CCSER1: variants seen among roughly 807,000 people sequenced by gnomAD.
CCSER1 encodes the protein serine-rich coiled-coil domain-containing protein 1.
Under a neutral mutation model 82.0 loss-of-function variants are expected in CCSER1, and 41 were observed. The ratio of observed to expected loss-of-function variants is 0.50; its 90% CI spans 0.39 to 0.65. The LOEUF is 0.65. Among genes scored for constraint, CCSER1 ranks in the 30% least tolerant of loss-of-function variants. CCSER1 has a pLI of 0.00. For synonymous variants in CCSER1, 414 were observed against 383.9 expected (o/e 1.08, Z -0.92); for missense variants, 1,119 against 1,064.2 (o/e 1.05, Z -0.72).
intron 6 of CCSER1, among the ~76,000 whole-genome samples, chr4:90,717,738 AT>A (rs201503358): frequency 0.015 from 1,464 of 99,632 alleles, 33 homozygotes; most frequent in African/African-American, 0.052. Flanking sequence ...ATATATATAT[AT>A]ACACATATAT....
intron 6 of CCSER1, among the ~76,000 whole-genome samples, chr4:90,633,122 T>C (rs1300282624): frequency 6.6e-6 from 1 of 152,094 alleles, no homozygotes; most frequent in African/African-American, 2.4e-5. Context: ...TGTGAACTTG[T>C]ACCTTGTTAT....
intron 10 of CCSER1, among the ~76,000 whole-genome samples, chr4:91,331,705 A>G (rs569898246): frequency 6.6e-5 from 10 of 152,140 alleles, no homozygotes; most frequent in Admixed American, 6.6e-5. Flanking sequence ...TGCACATTTA[A>G]AAAGATGTCA....
chr4:91,340,529 A>T (rs1316539811), intron 10 of CCSER1, among the ~76,000 whole-genome samples: 2 of 152,156 alleles, frequency 1.3e-5, no homozygotes, highest in African/African-American at 4.8e-5. Flanking sequence ...TTTTTTGTTA[A>T]GTAATTAAGT....
intron 1 of CCSER1, among the ~76,000 whole-genome samples, chr4:90,216,477 C>T (rs1367421986): frequency 6.6e-6 from 1 of 152,158 alleles, no homozygotes. Context: ...AAAACTGTGA[C>T]AGTCAGAGCA....
chr4:91,424,778 G>A (rs917847983), intron 10 of CCSER1, among the ~76,000 whole-genome samples: 3 of 152,014 alleles, frequency 2.0e-5, no homozygotes, highest in African/African-American at 7.2e-5. Flanking sequence ...TATTTTTACA[G>A]AAGTAAATGT....
intron 1 of CCSER1, among the ~76,000 whole-genome samples, chr4:90,132,864 T>G (rs1723036945): frequency 6.6e-6 from 1 of 152,356 alleles, no homozygotes; most frequent in South Asian, 2.1e-4. Context: ...TAAACTGTGC[T>G]TTGATACTAA....
In CCSER1 at chr4:91,494,147, G is replaced by A. The variant is rs182655474; in HGVS notation, c.2218-104425G>A. On this transcript the variant is annotated intron_variant, in intron 10 of 10. Transcript: ENST00000509176. ...GCCAGTACTAAATACCAAATCTTCC[G>A]GCCTTTTGATCTTGGACTCCCTAGC... Among the ~76,000 whole-genome samples, 69 of 151,792 alleles carry A rather than the reference G, an allele frequency of 4.5e-4. No individual in the cohort carries two copies. In the East Asian group the frequency reaches 5.2e-3, roughly 11 times the overall value.
intron 3 of CCSER1, among the ~76,000 whole-genome samples, chr4:90,318,099 G>T (rs1276140998): frequency 6.6e-6 from 1 of 152,096 alleles, no homozygotes; most frequent in African/African-American, 2.4e-5. Flanking sequence ...CATTTAATGG[G>T]CCCTGACTTT....
chr4:90,911,930 G>A (rs1726449791), intron 8 of CCSER1, among the ~76,000 whole-genome samples: 4 of 152,192 alleles, frequency 2.6e-5, no homozygotes, highest in African/African-American at 9.7e-5. Context: ...CGAGGCTGGG[G>A]GAGGGGCGCC....
intron 8 of CCSER1, among the ~76,000 whole-genome samples, chr4:90,904,676 G>A (rs1581013298): frequency 1.3e-5 from 2 of 152,048 alleles, no homozygotes; most frequent in Non-Finnish European, 2.9e-5. Context: ...GGGGGGCCTG[G>A]TCAGAAAAGT....
chr4:91,300,858 G>T (rs1744611326), intron 10 of CCSER1, among the ~76,000 whole-genome samples: 1 of 151,882 alleles, frequency 6.6e-6, no homozygotes, highest in Non-Finnish European at 1.5e-5. Flanking sequence ...GATTCAAACT[G>T]TGTTCCAACC....
At chr4:91,159,188 T>C (rs62310690) in intron 10 of CCSER1, among the ~76,000 whole-genome samples, 2 of 152,000 alleles carry the variant, frequency 1.3e-5, no homozygotes, top group East Asian at 1.9e-4. Context: ...CAGCAACTTA[T>C]AGTTTTCATA....
At chr4:91,182,855 C>A (rs1734169869) in intron 10 of CCSER1, among the ~76,000 whole-genome samples, 1 of 152,204 alleles carries the variant, frequency 6.6e-6, no homozygotes, top group African/African-American at 2.4e-5. Flanking sequence ...AGGTTCCAGT[C>A]CTCGAGGATT....
At chr4:91,303,818 C>A (rs944469434) in intron 10 of CCSER1, among the ~76,000 whole-genome samples, 3 of 151,560 alleles carry the variant, frequency 2.0e-5, no homozygotes, top group Admixed American at 2.0e-4. Context: ...ACAACAACAA[C>A]AAAACAACAA....
intron 9 of CCSER1, among the ~76,000 whole-genome samples, chr4:90,924,470 TA>T (rs142620266): frequency 0.016 from 2,365 of 152,186 alleles, 57 homozygotes; most frequent in African/African-American, 0.053. Context: ...AAAACAACAC[TA>T]AAAAATATGA....
chr4:91,129,659 C>G (rs573321827), intron 10 of CCSER1, among the ~76,000 whole-genome samples: 2 of 152,044 alleles, frequency 1.3e-5, no homozygotes, highest in East Asian at 3.9e-4. Context: ...TACCAAAGGA[C>G]TCTTGGACAC....
chr4:90,346,347 A>G (rs1289675611), intron 3 of CCSER1, among the ~76,000 whole-genome samples: 16 of 151,930 alleles, frequency 1.1e-4, no homozygotes, highest in Admixed American at 1.0e-3. Flanking sequence ...ATAACCGTGT[A>G]GATCTCTCTT....
chr4:90,160,641 A>G (rs1729267034), intron 1 of CCSER1, among the ~76,000 whole-genome samples: 1 of 152,200 alleles, frequency 6.6e-6, no homozygotes, highest in South Asian at 2.1e-4. Context: ...TCATGAATAG[A>G]TGCTATTTAT....
intron 1 of CCSER1, among the ~76,000 whole-genome samples, chr4:90,223,253 A>G (rs550195989): frequency 1.3e-5 from 2 of 152,310 alleles, no homozygotes; most frequent in South Asian, 4.1e-4. Context: ...TAAACAATTG[A>G]TATGTATTTT....
Sources: allele counts gnomAD v4.1 joint callset (sites outside exome capture counted in the v4.1 genomes callset), GRCh38; gene constraint gnomAD v4.1.1; transcripts MANE v1.5; gene names NCBI Gene and HGNC (gene_info 2026-07-23, HGNC 2026-07-21).